FBXW10B: variants seen among roughly 807,000 people sequenced by gnomAD.
The protein encoded by FBXW10B is F-box and WD repeat domain containing 10B.
At chr17:15,571,979 TGC>T in the FBXW10B span, 1 of 136,276 alleles carries the variant, frequency 7.3e-6, no homozygotes, top group African/African-American at 2.6e-5. Flanking sequence ...GGGGGAGGGG[TGC>T]GGGGGACAGG....
the FBXW10B span, among the ~76,000 whole-genome samples, chr17:15,567,144 C>T: frequency 2.0e-5 from 3 of 151,546 alleles, no homozygotes; most frequent in South Asian, 2.1e-4. Flanking sequence ...TGGTGGCAGG[C>T]GCCTGTAATC....
the FBXW10B span, among the ~76,000 whole-genome samples, chr17:15,612,174 A>G: frequency 1.3e-5 from 2 of 152,182 alleles, no homozygotes; most frequent in Non-Finnish European, 2.9e-5. Flanking sequence ...AACCAAATCA[A>G]TCCACCCATC....
the FBXW10B span, chr17:15,588,865 G>C: frequency 6.2e-7 from 1 of 1,614,062 alleles, no homozygotes; most frequent in African/African-American, 1.3e-5. Flanking sequence ...GTTGCTAGCT[G>C]TGTCCTTTGC....
At chr17:15,596,457 G>A in the FBXW10B span, 4 of 1,405,062 alleles carry the variant, frequency 2.8e-6, no homozygotes, top group Non-Finnish European at 3.9e-6. Context: ...GGTAGGGGGA[G>A]CCCACCCATC....
At chr17:15,593,517 G>T in the FBXW10B span, 2 of 1,612,904 alleles carry the variant, frequency 1.2e-6, no homozygotes, top group Non-Finnish European at 8.5e-7. Context: ...CAGAGTAGCA[G>T]GCAGTACCCA....
chr17:15,597,365 T>TG, the FBXW10B span, among the ~76,000 whole-genome samples: 410 of 150,644 alleles, frequency 2.7e-3, 2 homozygotes, highest in African/African-American at 9.8e-3. Context: ...CAGTGGCTCA[T>TG]GCTTATAATC....
chr17:15,599,172 T>TAAAAAAA, the FBXW10B span, among the ~76,000 whole-genome samples: 1 of 72,974 alleles, frequency 1.4e-5, no homozygotes, highest in African/African-American at 6.9e-5. Flanking sequence ...AGACTCTGTC[T>TAAAAAAA]CAAAAAAAAA....
At chr17:15,593,909 A>G in the FBXW10B span, among the ~76,000 whole-genome samples, 4 of 151,906 alleles carry the variant, frequency 2.6e-5, no homozygotes, top group East Asian at 1.9e-4. Context: ...GATTACAGGC[A>G]TGCGCCACCA....
the FBXW10B span, among the ~76,000 whole-genome samples, chr17:15,592,869 C>T: frequency 6.6e-6 from 1 of 152,100 alleles, no homozygotes; most frequent in African/African-American, 2.4e-5. Context: ...CTTTGGGAGG[C>T]CGTGACGGGT....
At chr17:15,614,347 C>A in the FBXW10B span, among the ~76,000 whole-genome samples, 105 of 152,162 alleles carry the variant, frequency 6.9e-4, 1 homozygote, top group Admixed American at 2.6e-4. Context: ...CGCCACCACG[C>A]CCGACTAATT....
chr17:15,582,956 C>T, the FBXW10B span, among the ~76,000 whole-genome samples: 97 of 137,500 alleles, frequency 7.1e-4, no homozygotes, highest in Non-Finnish European at 1.1e-3. Flanking sequence ...GGTGTGCCCA[C>T]GATTCTTCTT....
the FBXW10B span, chr17:15,598,696 C>T: frequency 6.3e-7 from 1 of 1,591,812 alleles, no homozygotes; most frequent in South Asian, 1.1e-5. Flanking sequence ...TCCTGAGGGC[C>T]CAAAGGATCA....
the FBXW10B span, among the ~76,000 whole-genome samples, chr17:15,583,016 A>G: frequency 6.8e-6 from 1 of 148,068 alleles, no homozygotes; most frequent in South Asian, 2.2e-4. Context: ...AATTAAACAA[A>G]TGCTTGTCTC....
chr17:15,612,996 G>A, the FBXW10B span: 13 of 310,584 alleles, frequency 4.2e-5, no homozygotes, highest in Non-Finnish European at 6.1e-5. Flanking sequence ...TGTGCAGATC[G>A]AATGGAGGAG....
At chr17:15,593,199 C>T in the FBXW10B span, 15 of 1,411,330 alleles carry the variant, frequency 1.1e-5, no homozygotes, top group Non-Finnish European at 1.5e-5. Context: ...TATTGCTCCA[C>T]CCAGCCAAAA....
At chr17:15,616,811 CAAAAAAAAAAA>C in the FBXW10B span, among the ~76,000 whole-genome samples, 1 of 64,650 alleles carries the variant, frequency 1.5e-5, no homozygotes, top group Admixed American at 1.6e-4. Flanking sequence ...GACTCTGTCT[CAAAAAAAAAAA>C]AAAAAAAAAA....
At chr17:15,593,405 G>C in the FBXW10B span, 1 of 1,614,154 alleles carries the variant, frequency 6.2e-7, no homozygotes, top group Admixed American at 1.7e-5. Context: ...CCTTCATACA[G>C]TTCCCATTGA....
the FBXW10B span, chr17:15,593,226 C>T: frequency 1.3e-6 from 2 of 1,549,202 alleles, no homozygotes; most frequent in Non-Finnish European, 8.8e-7. Flanking sequence ...AGAGGCATTG[C>T]ACACTCTCTC....
At chr17:15,573,954 G>A in the FBXW10B span, 15 of 486,290 alleles carry the variant, frequency 3.1e-5, no homozygotes, top group East Asian at 4.6e-4. Flanking sequence ...TTTTCCCAAG[G>A]AGAATACAGA....
Sources: allele counts gnomAD v4.1 joint callset (sites outside exome capture counted in the v4.1 genomes callset), GRCh38; gene constraint gnomAD v4.1.1; transcripts MANE v1.5; gene names NCBI Gene and HGNC (gene_info 2026-07-23, HGNC 2026-07-21).